TCF25: variants seen among roughly 807,000 people sequenced by gnomAD.
The protein encoded by TCF25 is ribosome quality control complex subunit TCF25.
Under a neutral mutation model 83.1 loss-of-function variants are expected in TCF25, and 41 were observed. The ratio of observed to expected loss-of-function variants is 0.49; its 90% CI spans 0.38 to 0.64. The LOEUF (loss-of-function observed/expected upper bound fraction) is 0.64. Ranked by LOEUF, TCF25 falls within the 30% of genes least tolerant of loss-of-function variation. The pLI, the probability that TCF25 is intolerant of heterozygous loss-of-function variation, is 0.00. For synonymous variants in TCF25, 458 were observed against 365.0 expected, an observed-to-expected ratio of 1.25 and a Z score of -2.90; for missense variants, 979 against 914.5, an observed-to-expected ratio of 1.07 and a Z score of -0.91.
At chr16:89,878,663 C>T (rs553071283) in intron 1 of TCF25, 37 of 1,081,374 alleles carry the variant, frequency 3.4e-5, no homozygotes, top group Middle Eastern at 5.2e-4. Context: ...TTTTTTGAGA[C>T]GGAGTCTTGC....
chr16:89,894,653 T>C (rs1271919501), intron 7 of TCF25, among the ~76,000 whole-genome samples: 1 of 152,198 alleles, frequency 6.6e-6, no homozygotes, highest in African/African-American at 2.4e-5. Flanking sequence ...GTCGACCCGG[T>C]AATTCCCCCG....
At chr16:89,909,010 T>A in intron 16 of TCF25, 1 of 1,289,540 alleles carries the variant, frequency 7.8e-7, no homozygotes, top group South Asian at 1.2e-5. Context: ...GGGTCACAGC[T>A]CTGCGTTTGC....
chr16:89,888,202 G>A (rs2043158639), intron 5 of TCF25, among the ~76,000 whole-genome samples: 1 of 152,106 alleles, frequency 6.6e-6, no homozygotes, highest in Non-Finnish European at 1.5e-5. Flanking sequence ...GGAGGCAGAG[G>A]TTGCAATGAG....
intron 13 of TCF25, 173 bp downstream of exon 13, chr16:89,904,378 G>C (rs541797808): frequency 1.4e-6 from 1 of 696,032 alleles, no homozygotes; most frequent in East Asian, 2.7e-5. Flanking sequence ...GCCCTCATCT[G>C]TGTGGAAAAG....
chr16:89,893,712 C>G lies in TCF25; in HGVS notation c.698-16C>G. On this transcript the variant is annotated splice_polypyrimidine_tract_variant and intron_variant, in intron 6 of 17. Transcript: ENST00000263346. ...CTGCTCCCGGCACACCCTCCCTGAG[C>G]ACTCTCCCCTCCCAGGTCTGTCCAT... is the stretch of plus-strand genomic sequence containing the variant. 1.9e-6 allele frequency: 3 copies of G among 1,613,496 alleles called. No individual in the cohort carries two copies. Among genetic ancestry groups the G allele is most frequent in the Non-Finnish European group, 2.5e-6 (3 of 1,179,938 alleles).
intron 14 of TCF25, among the ~76,000 whole-genome samples, chr16:89,905,333 C>T (rs563559315): frequency 4.8e-4 from 73 of 152,246 alleles, no homozygotes; most frequent in Non-Finnish European, 8.5e-4. Flanking sequence ...CCGGGTGCCT[C>T]GGGCTGGAGT....
rs1597235105 is a variant in TCF25, at chr16:89,873,942, C to T, written c.192+83C>T. ...GCGAGCGTCCAGCCGGGTCGGGGAG[C>T]GGGGTTGTGATGCCAGGGGTGGGAA... is the stretch of plus-strand genomic sequence containing the variant. On this transcript the variant is annotated intron_variant, in intron 1 of 17. Transcript: ENST00000263346. 11 of 1,173,084 alleles carry T rather than the reference C, an allele frequency of 9.4e-6. No individual in the cohort carries two copies. The East Asian group carries it at 4.8e-4, about 51-fold the overall frequency. The allele number at this position is 1,173,084 out of a possible 1,614,324, so 72.7% of individuals were successfully genotyped here.
chr16:89,903,242 A>G (rs1206881140), intron 12 of TCF25, among the ~76,000 whole-genome samples: 1 of 152,252 alleles, frequency 6.6e-6, no homozygotes, highest in Non-Finnish European at 1.5e-5. Context: ...ACTGGAGATC[A>G]CTGCAGGCTC....
chr16:89,910,760 C>A, intron 17 of TCF25, 97 bp downstream of exon 17: 1 of 1,369,972 alleles, frequency 7.3e-7, no homozygotes, highest in Non-Finnish European at 1.0e-6. Flanking sequence ...AGGACTGTGC[C>A]AGCCGGCACA....
rs920066014 is a variant in TCF25 at position 89,885,703 on chromosome 16, A to C, written c.430-145A>C. 2.5e-5 allele frequency: 17 copies of C among 679,190 alleles called. No homozygotes were observed. The African/African-American group carries it at 2.9e-4, about 12-fold the overall frequency. The allele number at this position is 679,190 out of a possible 1,614,324, so 42.1% of individuals were successfully genotyped here. A position where few individuals can be genotyped will look rare whatever the true frequency, so the allele number is the denominator to read the frequency against. The stretch of plus-strand genomic sequence containing the variant: ...TCTCTTCTTTTTTCTAAATGTGTGG[A>C]TGGTACATAGTGTTTGACTTATGCT... On this transcript the variant is annotated intron_variant, in intron 3 of 17. Transcript: ENST00000263346.
chr16:89,892,949 C>T (rs1392197777), intron 6 of TCF25, among the ~76,000 whole-genome samples: 1 of 152,238 alleles, frequency 6.6e-6, no homozygotes, highest in Non-Finnish European at 1.5e-5. Context: ...GCGCCTGTGT[C>T]TGTGGGGGTG....
intron 1 of TCF25, among the ~76,000 whole-genome samples, chr16:89,876,350 G>A (rs1438196800): frequency 2.0e-5 from 3 of 152,126 alleles, no homozygotes; most frequent in Admixed American, 6.5e-5. Flanking sequence ...CAGAAGTATG[G>A]GAGACAGTAA....
chr16:89,909,906 G>A (rs2045403697), intron 16 of TCF25: 2 of 152,694 alleles, frequency 1.3e-5, no homozygotes, highest in South Asian at 2.1e-4. Flanking sequence ...GGCGCAAGAG[G>A]GCCAACTGCC....
intron 16 of TCF25, among the ~76,000 whole-genome samples, chr16:89,908,248 GCTCCCAC>G (rs2045138444): frequency 1.5e-5 from 1 of 66,520 alleles, no homozygotes; most frequent in African/African-American, 7.8e-5. Context: ...CCACCTCCCA[GCTCCCAC>G]CTCCCAGCTC....
Position 89,898,537 on chromosome 16 carries a change from T to C in TCF25, c.1023-20T>C. On this transcript the variant is annotated intron_variant, in intron 9 of 17. Transcript: ENST00000263346. ...CTCCTTTGTGTCGTTGTAATTCATG[T>C]GGAACTATTTTGGATCTAGGAGCTT... is the stretch of plus-strand genomic sequence containing the variant. 1 of 1,589,822 alleles carries C rather than the reference T, an allele frequency of 6.3e-7. No individual in the cohort carries two copies. Among genetic ancestry groups the C allele is most frequent in the Non-Finnish European group, 8.5e-7 (1 of 1,171,360 alleles).
chr16:89,878,374 T>G, intron 1 of TCF25: 2 of 1,160,370 alleles, frequency 1.7e-6, no homozygotes, highest in Non-Finnish European at 2.2e-6. Flanking sequence ...CCACCTGAGG[T>G]CAGGAGTTCG....
At chr16:89,904,290 G>C in intron 13 of TCF25, 85 bp downstream of exon 13, 1 of 1,428,730 alleles carries the variant, frequency 7.0e-7, no homozygotes, top group South Asian at 1.2e-5. Flanking sequence ...GAGAGGCCCT[G>C]AGGGACCTGC....
At chr16:89,906,412 AG>A in intron 15 of TCF25, 128 bp downstream of exon 15, 1 of 855,804 alleles carries the variant, frequency 1.2e-6, no homozygotes. Context: ...CCGCCACGGC[AG>A]GGGCAGGGTC....
At chr16:89,898,070 C>A (rs1326576287) in intron 9 of TCF25, among the ~76,000 whole-genome samples, 1 of 151,676 alleles carries the variant, frequency 6.6e-6, no homozygotes, top group Non-Finnish European at 1.5e-5. Context: ...GATAGCGCCA[C>A]TGCACTCCAG....
Sources: gnomAD v4.1 joint callset for allele counts (sites outside exome capture counted in the v4.1 genomes callset) on GRCh38, gnomAD v4.1.1 for gene constraint, MANE v1.5 for transcripts, NCBI Gene and HGNC (gene_info 2026-07-23, HGNC 2026-07-21) for gene names.